ACOX3: variants seen among roughly 807,000 people sequenced by gnomAD.
ACOX3 encodes the protein peroxisomal acyl-coenzyme A oxidase 3.
Under a neutral mutation model 81.5 loss-of-function variants are expected in ACOX3, and 73 were observed. The ratio of observed to expected loss-of-function variants is 0.90; its 90% CI spans 0.74 to 1.09. The LOEUF is 1.09. ACOX3 is among the 50% of genes least tolerant of loss of function. The pLI is 0.00. For missense variants in ACOX3, 947 were observed against 928.0 expected (o/e 1.02, Z -0.27); for synonymous variants, 387 against 375.1 (o/e 1.03, Z -0.37).
Position 8,423,880 on chromosome 4 carries a change from G to C in ACOX3, c.-14-7345C>G, listed in dbSNP as rs1169159707. On this transcript the variant is annotated intron_variant, in intron 1 of 17. Transcript: ENST00000356406. This position sits in a 1 kb window ranked among gnomAD's most constrained non-coding sequence, Gnocchi z 4.2. ...TCTATTTGGCCAGGCATTAGCCCGAGACTTGAGCCAGTTCTCATACTTGGG... is the reference window on the plus strand; with the variant it reads ...TCTATTTGGCCAGGCATTAGCCCGACACTTGAGCCAGTTCTCATACTTGGG... Among the ~76,000 whole-genome samples, 1 of 152,206 alleles carries C rather than the reference G, an allele frequency of 6.6e-6. No individual in the cohort carries two copies. The highest frequency in any genetic ancestry group is 1.5e-5 in the Non-Finnish European group (1 of 68,042).
the ACOX3 span, chr4:8,356,126 G>A: frequency 4.3e-6 from 1 of 232,534 alleles, no homozygotes; most frequent in Non-Finnish European, 8.6e-6. Flanking sequence ...CTGCAGGCCG[G>A]GCTTTGTTGC....
At chr4:8,387,324 C>G (rs1718432539) in intron 13 of ACOX3, among the ~76,000 whole-genome samples, 1 of 152,212 alleles carries the variant, frequency 6.6e-6, no homozygotes, top group South Asian at 2.1e-4. Context: ...CCACGGCCAG[C>G]AGGAGGAGGG....
chr4:8,402,083 C>T (rs1230580287), intron 7 of ACOX3, among the ~76,000 whole-genome samples: 1 of 152,230 alleles, frequency 6.6e-6, no homozygotes, highest in African/African-American at 2.4e-5. Flanking sequence ...TCAGGTGGGG[C>T]AGACGACATC....
At chr4:8,404,291 G>A (rs548312880) in intron 7 of ACOX3, among the ~76,000 whole-genome samples, 1 of 152,334 alleles carries the variant, frequency 6.6e-6, no homozygotes, top group African/African-American at 2.4e-5. Context: ...ACTGACAGCC[G>A]CAGGTCGGGG....
rs941336369 is a variant in ACOX3 at position 8,414,757 on chromosome 4, C to G, written c.453+97G>C. 1.6e-6 allele frequency: 2 copies of G among 1,257,416 alleles called. No individual in the cohort carries two copies. Among genetic ancestry groups the G allele is most frequent in the Non-Finnish European group, 2.3e-6 (2 of 860,984 alleles). The allele number at this position is 1,257,416 out of a possible 1,614,324, so 77.9% of individuals were successfully genotyped here. On this transcript the variant is annotated intron_variant, in intron 4 of 17. Transcript: ENST00000356406. The surrounding 1 kb of genome is among the most constrained non-coding windows in gnomAD (Gnocchi z 6.1). ...TAGGAAACAAGAAGAGCATAAGCCCCCTGGGCACCCCCTTCTACAATCTTC... is the reference window on the plus strand; with the variant it reads ...TAGGAAACAAGAAGAGCATAAGCCCGCTGGGCACCCCCTTCTACAATCTTC...
Position 8,368,408 on chromosome 4 carries a change from C to A in ACOX3, c.1984-1328G>T, listed in dbSNP as rs1472322023. 1.3e-5 allele frequency among the ~76,000 whole-genome samples: 2 copies of A among 152,254 alleles called. No homozygotes were observed. Among genetic ancestry groups the A allele is most frequent in the African/African-American group, 4.8e-5 (2 of 41,474 alleles). ...GGTGGAAAGGGGCAGCCCAGACCAT[C>A]TCCAGGGCCTGGGGAGGTGGTCTAT... is the stretch of plus-strand genomic sequence containing the variant. On this transcript the variant is annotated intron_variant, in intron 17 of 17. Coordinates refer to ENST00000356406, the MANE Select transcript of ACOX3 (RefSeq NM_003501.3). This position sits in a 1 kb window ranked among gnomAD's most constrained non-coding sequence, Gnocchi z 5.9.
chr4:8,379,026 C>T (rs1211341060), intron 14 of ACOX3, among the ~76,000 whole-genome samples: 1 of 152,212 alleles, frequency 6.6e-6, no homozygotes, highest in Non-Finnish European at 1.5e-5. Flanking sequence ...ACCAGGCTGG[C>T]ATCTATCTGA....
intron 16 of ACOX3, among the ~76,000 whole-genome samples, chr4:8,373,322 G>A (rs1018378104): frequency 1.3e-5 from 2 of 152,176 alleles, no homozygotes; most frequent in African/African-American, 4.8e-5. Context: ...AAGGCGGTGT[G>A]TGTCGGCTCA....
chr4:8,359,133 C>T, the ACOX3 span, among the ~76,000 whole-genome samples: 2 of 152,128 alleles, frequency 1.3e-5, no homozygotes. The surrounding 1 kb of genome is among the most constrained non-coding windows in gnomAD (Gnocchi z 6.0). Context: ...GTGGAAACCC[C>T]AGACCCAAAG....
At position 8,419,376 on chromosome 4, in the gene ACOX3, A is replaced by C. The variant is rs954616245; in HGVS notation, c.-14-2841T>G. On this transcript the variant is annotated intron_variant, in intron 1 of 17. Transcript: ENST00000356406. This position sits in a 1 kb window ranked among gnomAD's most constrained non-coding sequence, Gnocchi z 4.2. ...CTTAAACCCGGGAGGCAGAGATTGC[A>C]GTAGCCTAGATTGCGCCACTGCACT... Among the ~76,000 whole-genome samples, 2 of 151,900 alleles carry C rather than the reference A, an allele frequency of 1.3e-5. No individual in the cohort carries two copies. Among genetic ancestry groups the C allele is most frequent in the Non-Finnish European group, 2.9e-5 (2 of 67,962 alleles).
At position 8,370,890 on chromosome 4, in the gene ACOX3, GC is replaced by G; in HGVS notation, c.1983+17del. 6.2e-7 allele frequency: 1 copy of G among 1,611,022 alleles called. No individual in the cohort carries two copies. Among genetic ancestry groups the G allele is most frequent in the Non-Finnish European group, 8.5e-7 (1 of 1,178,072 alleles). On this transcript the variant is annotated intron_variant, in intron 17 of 17. Transcript: ENST00000356406. The surrounding 1 kb of genome is among the most constrained non-coding windows in gnomAD (Gnocchi z 6.3). ...TCAACCCTTGGGGCACTCCCGTGAGGCCCTGTCCTCCCTTTACCTCGCCGTC... is the reference window on the plus strand; with the variant it reads ...TCAACCCTTGGGGCACTCCCGTGAGGCCTGTCCTCCCTTTACCTCGCCGTC...
chr4:8,389,779 G>T lies in ACOX3; in HGVS notation c.1301-45C>A. 1.2e-6 allele frequency: 2 copies of T among 1,605,780 alleles called. No individual in the cohort carries two copies. The highest frequency in any genetic ancestry group is 2.2e-5 in the South Asian group (2 of 90,698). On this transcript the variant is annotated intron_variant, in intron 11 of 17. Coordinates refer to ENST00000356406, the MANE Select transcript of ACOX3 (RefSeq NM_003501.3). The surrounding 1 kb of genome is among the most constrained non-coding windows in gnomAD (Gnocchi z 5.3). ...GTACCATCATTTAAGACGCATATTTGAGAAGCAGCCTGTCACTATGTGAGA... is the reference window on the plus strand; with the variant it reads ...GTACCATCATTTAAGACGCATATTTTAGAAGCAGCCTGTCACTATGTGAGA...
In ACOX3 at chr4:8,416,356, T is replaced by G. The variant is rs1722332246; in HGVS notation, c.144+22A>C. On this transcript the variant is annotated intron_variant, in intron 2 of 17. Transcript: ENST00000356406. The surrounding 1 kb of genome is among the most constrained non-coding windows in gnomAD (Gnocchi z 4.2). ...GACCCCACTGGGAAAAAAGACAAGC[T>G]GCGCACAACCGCACGCCTCACCTTA... 1 of 1,613,938 alleles carries G rather than the reference T, an allele frequency of 6.2e-7. No individual in the cohort carries two copies. The highest frequency in any genetic ancestry group is 1.3e-5 in the African/African-American group (1 of 74,932).
At chr4:8,372,758 C>T (rs930422395) in intron 16 of ACOX3, among the ~76,000 whole-genome samples, 6 of 152,240 alleles carry the variant, frequency 3.9e-5, no homozygotes, top group South Asian at 2.1e-4. Flanking sequence ...TGAAAGGCCA[C>T]GTCTGCAGTC....
chr4:8,367,123 G>A (rs1313670606), intron 17 of ACOX3, 43 bp from the exon 18 acceptor site: 2 of 1,601,976 alleles, frequency 1.2e-6, no homozygotes, highest in East Asian at 2.2e-5. Flanking sequence ...AAAGAAATAA[G>A]AAGGAAAAGA....
rs1722732714 is a variant in ACOX3 at position 8,419,734 on chromosome 4, C to A, written c.-14-3199G>T. Among the ~76,000 whole-genome samples, 1 of 152,204 alleles carries A rather than the reference C, an allele frequency of 6.6e-6. No homozygotes were observed. Among genetic ancestry groups the A allele is most frequent in the Non-Finnish European group, 1.5e-5 (1 of 68,048 alleles). The stretch of plus-strand genomic sequence containing the variant: ...TTGGCAGTCAACGGCAATTCCCCAC[C>A]TCTCATGTTCTGGAGATGCCCATAC... On this transcript the variant is annotated intron_variant, in intron 1 of 17. Coordinates refer to ENST00000356406, the MANE Select transcript of ACOX3 (RefSeq NM_003501.3). The surrounding 1 kb of genome is among the most constrained non-coding windows in gnomAD (Gnocchi z 4.2).
downstream of ACOX3, among the ~76,000 whole-genome samples, chr4:8,361,714 G>A (rs1715237369): frequency 6.6e-6 from 1 of 152,114 alleles, no homozygotes; most frequent in South Asian, 2.1e-4. Context: ...TTACCTTATG[G>A]CCAAACTGAT....
At chr4:8,427,929 G>C (rs1037361873) in intron 1 of ACOX3, among the ~76,000 whole-genome samples, 10 of 152,160 alleles carry the variant, frequency 6.6e-5, no homozygotes, top group Non-Finnish European at 1.0e-4. Context: ...ACTGTCTGAG[G>C]CTACTGTCAT....
At chr4:8,356,904 A>G in the ACOX3 span, 5 of 455,824 alleles carry the variant, frequency 1.1e-5, no homozygotes, top group Non-Finnish European at 8.8e-6. Context: ...AAGTGTGCAG[A>G]ACAGTGCACA....
Sources: allele counts gnomAD v4.1 joint callset (sites outside exome capture counted in the v4.1 genomes callset), GRCh38; gene constraint gnomAD v4.1.1; non-coding constraint Gnocchi (gnomAD v3.1); transcripts MANE v1.5; gene names NCBI Gene and HGNC (gene_info 2026-07-23, HGNC 2026-07-21).